Variants in SATB2 observed in about 807,000 individuals in gnomAD.
SATB2 encodes SATB homeobox 2.
Under a neutral mutation model 73.4 loss-of-function variants are expected in SATB2, and 1 was observed. The ratio of observed to expected loss-of-function variants is 0.01; its 90% CI spans 0.00 to 0.06. The LOEUF (loss-of-function observed/expected upper bound fraction) is 0.06, where lower values mean the gene tolerates loss of function less well. SATB2 is among the 10% of genes least tolerant of loss of function. The pLI is 1.00. For missense variants in SATB2, 459 were observed against 945.8 expected, an observed-to-expected ratio of 0.49 and a Z score of 6.75; for synonymous variants, 397 against 367.0, an observed-to-expected ratio of 1.08 and a Z score of -0.93.
chr2:199,287,394 C>T (rs1369481512), intron 10 of SATB2, among the ~76,000 whole-genome samples: 1 of 152,128 alleles, frequency 6.6e-6, no homozygotes, highest in Admixed American at 6.5e-5. Flanking sequence ...GAAGAGACAT[C>T]ACTCAGTCAG....
At chr2:199,371,058 AG>A (rs1689432139) in intron 5 of SATB2, among the ~76,000 whole-genome samples, 2 of 152,238 alleles carry the variant, frequency 1.3e-5, no homozygotes, top group East Asian at 3.9e-4. Context: ...AACTCCCTGC[AG>A]GTCTTTATAT....
chr2:199,338,195 C>T (rs1006803211), intron 7 of SATB2, among the ~76,000 whole-genome samples: 2 of 151,746 alleles, frequency 1.3e-5, no homozygotes, highest in Admixed American at 6.6e-5. Flanking sequence ...GAAACCCTGT[C>T]TCTATTAAAA....
At chr2:199,306,126 T>G (rs1196170488) in intron 10 of SATB2, among the ~76,000 whole-genome samples, 1 of 152,142 alleles carries the variant, frequency 6.6e-6, no homozygotes, top group East Asian at 1.9e-4. Context: ...GTCCTTGGCT[T>G]TTGGACAATT....
At chr2:199,276,481 G>C (rs1032913222) in intron 10 of SATB2, among the ~76,000 whole-genome samples, 1 of 152,146 alleles carries the variant, frequency 6.6e-6, no homozygotes, top group South Asian at 2.1e-4. Flanking sequence ...TCATGCCATT[G>C]ATTGCTGATG....
chr2:199,396,759 C>T (rs765779089), intron 3 of SATB2: 5 of 152,098 alleles, frequency 3.3e-5, no homozygotes, highest in Admixed American at 2.0e-4. Context: ...GGAAAAGATC[C>T]GGGTTCACAC....
chr2:199,341,815 G>A lies in SATB2; in HGVS notation c.1173+6886C>T, dbSNP rs74316685. Among the ~76,000 whole-genome samples the A allele has an allele frequency of 8.4e-3, 1,272 of 152,230 alleles. 15 individuals carry two copies. Among genetic ancestry groups the A allele is most frequent in the African/African-American group, 0.029 (1,192 of 41,540 alleles). ...GTGGACCTATAATCTGGGATAAAACGCAGATCCTCAGATAGAGACTACCAC... is the reference window on the plus strand; with the variant it reads ...GTGGACCTATAATCTGGGATAAAACACAGATCCTCAGATAGAGACTACCAC... On this transcript the variant is annotated intron_variant, in intron 7 of 10. Transcript: ENST00000417098.
At position 199,331,689 on chromosome 2, in the gene SATB2, T is replaced by A. The variant is rs577783728; in HGVS notation, c.1174-2779A>T. Among the ~76,000 whole-genome samples the A allele has an allele frequency of 1.2e-3, 186 of 152,226 alleles. 3 individuals are homozygous for A. The highest frequency in any genetic ancestry group is 4.1e-3 in the South Asian group (20 of 4,822). Reference sequence around the variant, plus strand: ...TTTAACTATTTAAATTGGGATTTTTTAAAAATGTAGTCCAAATTCTGCATG... The same window carrying A: ...TTTAACTATTTAAATTGGGATTTTTAAAAAATGTAGTCCAAATTCTGCATG... On this transcript the variant is annotated intron_variant, in intron 7 of 10. Transcript: ENST00000417098.
At position 199,272,685 on chromosome 2, in the gene SATB2, A is replaced by G. The variant is rs746647794; in HGVS notation, c.1741-13T>C. 2.5e-6 allele frequency: 4 copies of G among 1,611,026 alleles called. No individual in the cohort carries two copies. Among genetic ancestry groups the G allele is most frequent in the Non-Finnish European group, 3.4e-6 (4 of 1,177,146 alleles). ...GTCTATGAAGTACCTGATAATTAAG[A>G]GAGAAAAAAATGAACACTGGACTCA... On this transcript the variant is annotated splice_polypyrimidine_tract_variant and intron_variant, in intron 10 of 10. Coordinates refer to ENST00000417098, the MANE Select transcript of SATB2 (RefSeq NM_001172509.2). The surrounding 1 kb of genome is among the most constrained non-coding windows in gnomAD (Gnocchi z 6.7).
At chr2:199,346,439 C>T (rs772532321) in intron 7 of SATB2, among the ~76,000 whole-genome samples, 21 of 152,176 alleles carry the variant, frequency 1.4e-4, no homozygotes, top group Non-Finnish European at 2.5e-4. Flanking sequence ...TGAGCCACCG[C>T]ACCCAGCACA....
intron 7 of SATB2, among the ~76,000 whole-genome samples, chr2:199,341,192 C>T (rs574768689): frequency 3.5e-4 from 54 of 152,156 alleles, no homozygotes; most frequent in Admixed American, 2.4e-3. Context: ...TGTCAAAAGG[C>T]AAAGATGTAA....
At chr2:199,428,995 G>C (rs1467266250) in intron 3 of SATB2, among the ~76,000 whole-genome samples, 4 of 127,192 alleles carry the variant, frequency 3.1e-5, no homozygotes, top group Admixed American at 1.8e-4. Context: ...TACACATCAA[G>C]ACTCTGTCTC....
intron 6 of SATB2, among the ~76,000 whole-genome samples, chr2:199,355,362 A>ATATATCTATATATATATATATC (rs2105832878): frequency 6.7e-6 from 1 of 148,820 alleles, no homozygotes; most frequent in African/African-American, 2.5e-5. Context: ...ATATATATAT[A>ATATATCTATATATATATATATC]TATATATATA....
intron 10 of SATB2, among the ~76,000 whole-genome samples, chr2:199,287,062 A>C (rs1294731782): frequency 6.6e-6 from 1 of 152,224 alleles, no homozygotes; most frequent in African/African-American, 2.4e-5. Flanking sequence ...CAAAAGGCTA[A>C]GAAAGAAAGA....
At chr2:199,392,082 C>T (rs1370458218) in intron 3 of SATB2, among the ~76,000 whole-genome samples, 1 of 152,140 alleles carries the variant, frequency 6.6e-6, no homozygotes, top group Non-Finnish European at 1.5e-5. Context: ...CGGGCCTCAT[C>T]CTGGCCTCTG....
intron 10 of SATB2, among the ~76,000 whole-genome samples, chr2:199,287,932 C>T (rs1692735427): frequency 6.6e-6 from 1 of 152,114 alleles, no homozygotes; most frequent in African/African-American, 2.4e-5. Flanking sequence ...ATGCTTACTG[C>T]TGTTTAGCTA....
chr2:199,303,127 C>G (rs1281021713), intron 10 of SATB2, among the ~76,000 whole-genome samples: 2 of 152,176 alleles, frequency 1.3e-5, no homozygotes, highest in Non-Finnish European at 2.9e-5. Flanking sequence ...GCAGTGCTTT[C>G]CAGCACATGA....
At chr2:199,468,715 T>C (rs368345984), upstream of SATB2, among the ~76,000 whole-genome samples, 10 of 152,328 alleles carry the variant, frequency 6.6e-5, no homozygotes, top group African/African-American at 2.2e-4. Context: ...CTGACTGCTC[T>C]ACCCCTCGCA....
intron 3 of SATB2, among the ~76,000 whole-genome samples, chr2:199,393,757 G>T (rs796549158): frequency 1.3e-5 from 2 of 152,030 alleles, no homozygotes; most frequent in African/African-American, 4.8e-5. Context: ...AAAATGGCAA[G>T]CATCCAGCTT....
chr2:199,369,365 C>T (rs1311181147), intron 5 of SATB2, among the ~76,000 whole-genome samples: 5 of 152,106 alleles, frequency 3.3e-5, no homozygotes, highest in African/African-American at 1.2e-4. Flanking sequence ...AACTGCTCAG[C>T]TGATTTGTGT....
Sources: allele counts gnomAD v4.1 joint callset (sites outside exome capture counted in the v4.1 genomes callset), GRCh38; gene constraint gnomAD v4.1.1; non-coding constraint Gnocchi (gnomAD v3.1); transcripts MANE v1.5; gene names NCBI Gene and HGNC (gene_info 2026-07-23, HGNC 2026-07-21).